TNRC6B: variants seen among roughly 807,000 people sequenced by gnomAD.
TNRC6B encodes trinucleotide repeat-containing gene 6B protein.
Under a neutral mutation model 203.6 loss-of-function variants are expected in TNRC6B, and 52 were observed. The observed-to-expected ratio is 0.26, with a 90% CI of 0.20 to 0.32. The LOEUF (loss-of-function observed/expected upper bound fraction) is 0.32. Among genes scored for constraint, TNRC6B ranks in the 10% least tolerant of loss-of-function variants. TNRC6B has a pLI of 1.00. For missense variants in TNRC6B, 1,923 were observed against 2,286.2 expected (o/e 0.84, Z 3.24); for synonymous variants, 838 against 845.7 (o/e 0.99, Z 0.16).
intron 1 of TNRC6B, among the ~76,000 whole-genome samples, chr22:40,192,534 T>C (rs551721286): frequency 5.3e-5 from 8 of 152,308 alleles, no homozygotes; most frequent in Non-Finnish European, 1.0e-4. Flanking sequence ...TGAGAATTGC[T>C]TGAATCCAGG....
At chr22:40,135,753 C>T (rs1465397838) in intron 3 of TNRC6B, among the ~76,000 whole-genome samples, 4 of 152,146 alleles carry the variant, frequency 2.6e-5, no homozygotes, top group Admixed American at 6.5e-5. Context: ...CCTCCTGCCT[C>T]GGCCTCCCAA....
Position 40,265,101 on chromosome 22 carries a change from G to C in TNRC6B, c.871G>C (p.Asp291His). The C allele has an allele frequency of 1.9e-6, 3 of 1,614,014 alleles. No individual in the cohort carries two copies. The highest frequency in any genetic ancestry group is 2.5e-6 in the Non-Finnish European group (3 of 1,179,884). Residue 291 changes from aspartate (D) to histidine (H), a missense_variant, in exon 5 of 23, where the codon GAT becomes CAT. Asp to His is a moderately conservative substitution (Grantham distance 81). This residue lies in a region of TNRC6B where 614 missense variants were observed against 587.7 expected (regional missense o/e 1.04). Coordinates refer to ENST00000454349, the MANE Select transcript of TNRC6B (RefSeq NM_001162501.2). ...AAATTGGAGGAATGTGAGTGGTCAG[G>C]ATAGAATTGGACCTGGCTCTGGCTT... ...LGNWRNVSGQ[D>H]RIGPGSGFSN...
At chr22:40,263,355 G>A (rs1286891624) in intron 4 of TNRC6B, among the ~76,000 whole-genome samples, 1 of 152,198 alleles carries the variant, frequency 6.6e-6, no homozygotes, top group Non-Finnish European at 1.5e-5. Flanking sequence ...ACTTCCTGCA[G>A]AGATAAGCCC....
chr22:40,098,138 C>T (rs954166405), intron 1 of TNRC6B, among the ~76,000 whole-genome samples: 1 of 152,024 alleles, frequency 6.6e-6, no homozygotes, highest in Non-Finnish European at 1.5e-5. Context: ...GTAATCCCAG[C>T]ACTTTGGGAG....
At chr22:40,133,591 G>A (rs1001643119) in intron 3 of TNRC6B, among the ~76,000 whole-genome samples, 8 of 152,146 alleles carry the variant, frequency 5.3e-5, no homozygotes, top group African/African-American at 1.9e-4. Context: ...GTAGAAAGAC[G>A]GGTTTCATGG....
At chr22:40,195,306 G>T (rs1395683853) in intron 1 of TNRC6B, among the ~76,000 whole-genome samples, 1 of 152,162 alleles carries the variant, frequency 6.6e-6, no homozygotes, top group Middle Eastern at 3.2e-3. Context: ...AGAGCAAATA[G>T]ATCATCTGGC....
chr22:40,163,320 C>T (rs561647374), intron 4 of TNRC6B, among the ~76,000 whole-genome samples: 1 of 148,082 alleles, frequency 6.8e-6, no homozygotes, highest in South Asian at 2.1e-4. Flanking sequence ...ATCACCTGAG[C>T]CTGAGAGGTA....
intron 2 of TNRC6B, among the ~76,000 whole-genome samples, chr22:40,117,437 C>G (rs1011540349): frequency 2.6e-5 from 4 of 152,164 alleles, no homozygotes; most frequent in Non-Finnish European, 4.4e-5. Context: ...CTGCTGCGGT[C>G]TGTAGTCCAC....
chr22:40,238,389 C>T (rs577303943), intron 1 of TNRC6B, among the ~76,000 whole-genome samples: 8 of 152,208 alleles, frequency 5.3e-5, no homozygotes, highest in Non-Finnish European at 1.0e-4. Flanking sequence ...GTTCACCAGT[C>T]GCAATTTGAT....
intron 1 of TNRC6B, among the ~76,000 whole-genome samples, chr22:40,214,845 C>A (rs2069613867): frequency 6.6e-6 from 1 of 152,180 alleles, no homozygotes; most frequent in African/African-American, 2.4e-5. Context: ...TGAACCACCA[C>A]ACCCAGCCTT....
chr22:40,106,088 G>A (rs975187498), intron 1 of TNRC6B, among the ~76,000 whole-genome samples: 3 of 151,884 alleles, frequency 2.0e-5, no homozygotes, highest in East Asian at 3.9e-4. Context: ...TTTTGTCATC[G>A]TTTGATGACA....
chr22:40,167,967 C>T (rs1055870305), intron 4 of TNRC6B, among the ~76,000 whole-genome samples: 1 of 152,098 alleles, frequency 6.6e-6, no homozygotes, highest in African/African-American at 2.4e-5. Flanking sequence ...AGTGAGGGGG[C>T]CTGCAGGTTT....
rs186669938 is a variant in TNRC6B at position 40,265,037 on chromosome 22, A to G, written c.807A>G (p.Gln269=). 432 of 1,614,016 alleles carry G rather than the reference A, an allele frequency of 2.7e-4. No individual in the cohort carries two copies. The highest frequency in any genetic ancestry group is 1.3e-3 in the Admixed American group (78 of 60,022). Residue 269 remains glutamine, a synonymous_variant, in exon 5 of 23, where the codon CAA becomes CAG. Transcript: ENST00000454349. ...CTGACCCTAAGGCTAAATCTGTTCA[A>G]TCTTCCAACTCTACTACAGAGAACA... ...WKSDPKAKSV[Q]SSNSTTENNN... is the part of the protein sequence containing the mutation.
At chr22:40,198,960 C>G (rs1042700033) in intron 1 of TNRC6B, among the ~76,000 whole-genome samples, 3 of 151,966 alleles carry the variant, frequency 2.0e-5, no homozygotes, top group Admixed American at 1.3e-4. Context: ...GGAACCCCAG[C>G]TGCTTGGAGA....
chr22:40,241,936 C>A (rs947149290), intron 1 of TNRC6B, among the ~76,000 whole-genome samples: 1 of 152,186 alleles, frequency 6.6e-6, no homozygotes, highest in Non-Finnish European at 1.5e-5. Flanking sequence ...TTCAAACTGT[C>A]GTCTGTGGTC....
chr22:40,153,549 G>GA (rs35636391), intron 3 of TNRC6B, among the ~76,000 whole-genome samples: 93,439 of 145,408 alleles, frequency 0.64, 30,409 homozygotes, highest in African/African-American at 0.78. Context: ...TACTAAGCTA[G>GA]AAAAAAAAAA....
At chr22:40,309,003 A>G (rs1021675740) in intron 16 of TNRC6B, among the ~76,000 whole-genome samples, 13 of 152,266 alleles carry the variant, frequency 8.5e-5, no homozygotes, top group African/African-American at 3.1e-4. Flanking sequence ...GGTTGTTTGA[A>G]CCATAATAAA....
chr22:40,154,509 C>T (rs969943513), intron 3 of TNRC6B, among the ~76,000 whole-genome samples: 3 of 150,266 alleles, frequency 2.0e-5, no homozygotes, highest in Admixed American at 6.7e-5. Context: ...CATGTATATA[C>T]GTATGTATGC....
chr22:40,129,659 G>A (rs1471154112), intron 3 of TNRC6B, among the ~76,000 whole-genome samples: 1 of 152,152 alleles, frequency 6.6e-6, no homozygotes, highest in African/African-American at 2.4e-5. Context: ...TAAAGAGAAA[G>A]GATATGAGAA....
Sources: gnomAD v4.1 joint callset for allele counts (sites outside exome capture counted in the v4.1 genomes callset) on GRCh38, gnomAD v4.1.1 for gene constraint, gnomAD v4.1.1 regional missense constraint, MANE v1.5 for transcripts, NCBI Gene and HGNC (gene_info 2026-07-23, HGNC 2026-07-21) for gene names.